The following ZNG1B variants were observed in gnomAD, a reference collection of about 807,000 sequenced individuals.
ZNG1B encodes the protein Zn regulated GTPase metalloprotein activator 1B.
chr2:113,469,073 A>T, the ZNG1B span: 2 of 151,362 alleles, frequency 1.3e-5, no homozygotes, highest in Non-Finnish European at 3.0e-5. Flanking sequence ...ACTTTAAGCT[A>T]TTTCCTAAGA....
the ZNG1B span, among the ~76,000 whole-genome samples, chr2:113,478,383 C>T: frequency 6.6e-6 from 1 of 152,048 alleles, no homozygotes; most frequent in Non-Finnish European, 1.5e-5. Flanking sequence ...TCAAGTGATC[C>T]TCCCATCTCA....
the ZNG1B span, among the ~76,000 whole-genome samples, chr2:113,448,240 A>G: frequency 4.1e-4 from 62 of 152,092 alleles, no homozygotes; most frequent in Non-Finnish European, 7.4e-4. Flanking sequence ...GTACATCTCC[A>G]TCACAGCTCT....
At chr2:113,468,622 T>C in the ZNG1B span, 2 of 149,014 alleles carry the variant, frequency 1.3e-5, no homozygotes, top group Non-Finnish European at 2.9e-5. Flanking sequence ...TTTCTTTTTT[T>C]TTTTTCTTGG....
the ZNG1B span, among the ~76,000 whole-genome samples, chr2:113,456,011 C>T: frequency 7.9e-5 from 12 of 151,792 alleles, no homozygotes; most frequent in Non-Finnish European, 4.4e-5. Context: ...AGCCACCACG[C>T]CCGGCCTGAA....
chr2:113,476,135 C>T, the ZNG1B span, among the ~76,000 whole-genome samples: 1 of 152,246 alleles, frequency 6.6e-6, no homozygotes, highest in South Asian at 2.1e-4. Context: ...ACCAATCAGA[C>T]ATAGATTTGG....
chr2:113,460,536 G>A, the ZNG1B span: 2 of 1,319,876 alleles, frequency 1.5e-6, no homozygotes, highest in Non-Finnish European at 2.0e-6. Flanking sequence ...GTTAGTTTTG[G>A]ATTTGTGTAT....
chr2:113,442,481 G>C, the ZNG1B span, among the ~76,000 whole-genome samples: 17 of 152,122 alleles, frequency 1.1e-4, no homozygotes, highest in Admixed American at 7.2e-4. Context: ...AGTTATATTC[G>C]ATTTCTGGTT....
the ZNG1B span, among the ~76,000 whole-genome samples, chr2:113,446,817 C>G: frequency 6.8e-6 from 1 of 147,212 alleles, no homozygotes; most frequent in Admixed American, 6.7e-5. Flanking sequence ...CACATTCATA[C>G]ACACACACAC....
chr2:113,447,911 G>A, the ZNG1B span: 1 of 449,748 alleles, frequency 2.2e-6, no homozygotes, highest in Non-Finnish European at 4.4e-6. Flanking sequence ...CTCCATTGAA[G>A]TCTGGAATCC....
At chr2:113,467,159 A>T in the ZNG1B span, among the ~76,000 whole-genome samples, 1 of 151,042 alleles carries the variant, frequency 6.6e-6, no homozygotes, top group Non-Finnish European at 1.5e-5. Flanking sequence ...TTTGTTTTTT[A>T]AAATTTTTTT....
At chr2:113,472,618 G>C in the ZNG1B span, among the ~76,000 whole-genome samples, 1 of 152,052 alleles carries the variant, frequency 6.6e-6, no homozygotes, top group Non-Finnish European at 1.5e-5. Context: ...TATGGTTTTA[G>C]GTTGAACGTT....
the ZNG1B span, among the ~76,000 whole-genome samples, chr2:113,489,573 G>T: frequency 1.3e-5 from 2 of 152,238 alleles, 1 homozygote; most frequent in Non-Finnish European, 2.9e-5. Context: ...ATACAGAATT[G>T]CAGAATAGGT....
chr2:113,464,520 C>T, the ZNG1B span, among the ~76,000 whole-genome samples: 1 of 147,440 alleles, frequency 6.8e-6, no homozygotes, highest in Non-Finnish European at 1.5e-5. Flanking sequence ...TTAACAGGTA[C>T]TTTTTGGTGC....
At chr2:113,438,111 G>A in the ZNG1B span, 5 of 1,603,974 alleles carry the variant, frequency 3.1e-6, 1 homozygote. Flanking sequence ...TGAGGCATTG[G>A]GGCCTCATGA....
At chr2:113,466,500 G>A in the ZNG1B span, 1 of 969,692 alleles carries the variant, frequency 1.0e-6, no homozygotes, top group African/African-American at 1.9e-5. Context: ...AACATGCAGT[G>A]ATTGATTTTT....
chr2:113,445,370 A>G, the ZNG1B span: 1 of 269,982 alleles, frequency 3.7e-6, no homozygotes, highest in Non-Finnish European at 7.2e-6. Flanking sequence ...ACCTCTAAGT[A>G]CAGTTGTCCC....
chr2:113,481,085 A>ATT, the ZNG1B span, among the ~76,000 whole-genome samples: 19 of 124,890 alleles, frequency 1.5e-4, no homozygotes, highest in African/African-American at 3.5e-4. Flanking sequence ...TCGTTGTTAG[A>ATT]TTTTTTTTTT....
chr2:113,483,601 AT>A, the ZNG1B span, among the ~76,000 whole-genome samples: 1 of 150,818 alleles, frequency 6.6e-6, no homozygotes, highest in African/African-American at 2.4e-5. Flanking sequence ...ATTATGGAAG[AT>A]TTCAAAGATA....
At chr2:113,487,561 C>T in the ZNG1B span, among the ~76,000 whole-genome samples, 1 of 151,404 alleles carries the variant, frequency 6.6e-6, no homozygotes, top group Non-Finnish European at 1.5e-5. Context: ...CCCTGGTAAC[C>T]ACCATTTTAC....
Sources: allele counts gnomAD v4.1 joint callset (sites outside exome capture counted in the v4.1 genomes callset), GRCh38; gene constraint gnomAD v4.1.1; transcripts MANE v1.5; gene names NCBI Gene and HGNC (gene_info 2026-07-23, HGNC 2026-07-21).